The following ARHGAP15 variants were observed in gnomAD, a reference collection of about 807,000 sequenced individuals.
ARHGAP15 encodes Rho GTPase activating protein 15.
Under a neutral mutation model 63.7 loss-of-function variants are expected in ARHGAP15, and 51 were observed. The ratio of observed to expected loss-of-function variants is 0.80; its 90% CI spans 0.64 to 1.01. ARHGAP15 has a LOEUF of 1.01. Among genes scored for constraint, ARHGAP15 ranks in the 50% least tolerant of loss-of-function variants. The probability of loss-of-function intolerance (pLI) is 0.00; values close to 1 mark genes in which losing one functional copy is unlikely to be tolerated. For missense variants in ARHGAP15, 560 were observed against 564.6 expected (o/e 0.99, Z 0.08); for synonymous variants, 191 against 193.8 (o/e 0.99, Z 0.12).
intron 11 of ARHGAP15, among the ~76,000 whole-genome samples, chr2:143,597,364 A>G (rs1317823637): frequency 6.6e-6 from 1 of 152,194 alleles, no homozygotes; most frequent in East Asian, 1.9e-4. Context: ...AGATCTCAAT[A>G]CAAATGCAAC....
At chr2:143,557,244 G>A (rs927152762) in intron 11 of ARHGAP15, among the ~76,000 whole-genome samples, 1 of 152,074 alleles carries the variant, frequency 6.6e-6, no homozygotes, top group Non-Finnish European at 1.5e-5. Flanking sequence ...CAACTAAGAT[G>A]TCCTTCAATA....
intron 12 of ARHGAP15, chr2:143,648,597 C>T (rs1559101856): frequency 6.6e-6 from 1 of 151,966 alleles, no homozygotes; most frequent in Admixed American, 6.6e-5. Context: ...CCCACACCTC[C>T]TCCTCACGCT....
intron 8 of ARHGAP15, among the ~76,000 whole-genome samples, chr2:143,446,254 A>C (rs953921990): frequency 2.0e-5 from 3 of 151,550 alleles, no homozygotes; most frequent in Non-Finnish European, 4.4e-5. Context: ...AAAATATATC[A>C]AATAACTTTG....
intron 11 of ARHGAP15, chr2:143,607,826 C>G (rs1476105748): frequency 6.6e-6 from 1 of 152,192 alleles, no homozygotes. Flanking sequence ...ATGTTCTCCA[C>G]CCCACTGAAG....
At chr2:143,444,692 CGTT>C (rs914329537) in intron 8 of ARHGAP15, among the ~76,000 whole-genome samples, 2 of 152,030 alleles carry the variant, frequency 1.3e-5, no homozygotes, top group Non-Finnish European at 2.9e-5. Context: ...AAAAAAAATC[CGTT>C]GTTAACACAT....
intron 2 of ARHGAP15, among the ~76,000 whole-genome samples, chr2:143,181,948 T>TG (rs113206426): frequency 1.3e-4 from 19 of 150,990 alleles, no homozygotes; most frequent in African/African-American, 4.1e-4. Flanking sequence ...AGCTTTTGAT[T>TG]TTTTTTTTTT....
chr2:143,496,047 CTG>C (rs1175400387), intron 9 of ARHGAP15, among the ~76,000 whole-genome samples: 1 of 152,152 alleles, frequency 6.6e-6, no homozygotes, highest in Non-Finnish European at 1.5e-5. Flanking sequence ...TACGTGTGCG[CTG>C]TGTCATGATT....
At chr2:143,194,417 G>A (rs1691804031) in intron 2 of ARHGAP15, among the ~76,000 whole-genome samples, 1 of 152,156 alleles carries the variant, frequency 6.6e-6, no homozygotes, top group African/African-American at 2.4e-5. Context: ...AGGAACTATA[G>A]CTTTGGCTTT....
At chr2:143,678,206 C>T (rs979562604) in intron 12 of ARHGAP15, among the ~76,000 whole-genome samples, 1 of 152,060 alleles carries the variant, frequency 6.6e-6, no homozygotes, top group African/African-American at 2.4e-5. Flanking sequence ...AGCAAGACCC[C>T]GTCTCCGAAA....
chr2:143,753,168 T>C (rs1686445754), intron 13 of ARHGAP15, among the ~76,000 whole-genome samples: 2 of 152,174 alleles, frequency 1.3e-5, no homozygotes, highest in South Asian at 4.2e-4. Flanking sequence ...ACATAAAATA[T>C]ATGTTGACAG....
intron 10 of ARHGAP15, among the ~76,000 whole-genome samples, chr2:143,533,636 G>A (rs1231188173): frequency 1.3e-5 from 2 of 152,116 alleles, no homozygotes; most frequent in Non-Finnish European, 2.9e-5. Flanking sequence ...ATTTGATAAG[G>A]CAAAGAAAGG....
At chr2:143,442,656 A>G (rs1689941316) in intron 8 of ARHGAP15, among the ~76,000 whole-genome samples, 1 of 152,192 alleles carries the variant, frequency 6.6e-6, no homozygotes, top group Non-Finnish European at 1.5e-5. Flanking sequence ...CTTTGTAAAA[A>G]GTATGTGTAA....
At chr2:143,463,367 C>A (rs56687489) in intron 8 of ARHGAP15, among the ~76,000 whole-genome samples, 9,277 of 152,142 alleles carry the variant, frequency 0.061, 470 homozygotes, top group East Asian at 0.22. Context: ...CATGGGGAAA[C>A]CCTGTCTCTA....
intron 10 of ARHGAP15, 62 bp from the exon 11 acceptor site, chr2:143,556,345 AT>A (rs905531349): frequency 3.5e-4 from 443 of 1,280,086 alleles, no homozygotes; most frequent in African/African-American, 7.9e-4. Context: ...CTTTTCATAG[AT>A]TTTTTTTAAA....
At chr2:143,379,289 G>A (rs1349216840) in intron 6 of ARHGAP15, among the ~76,000 whole-genome samples, 5 of 151,930 alleles carry the variant, frequency 3.3e-5, no homozygotes, top group African/African-American at 4.8e-5. Context: ...ATCAGTGCTT[G>A]AATTCATAGT....
At chr2:143,225,298 T>A (rs532631853) in intron 4 of ARHGAP15, among the ~76,000 whole-genome samples, 3 of 151,914 alleles carry the variant, frequency 2.0e-5, no homozygotes, top group South Asian at 2.1e-4. Context: ...ATTAAAAAAA[T>A]TTGGATTTAA....
chr2:143,508,316 C>G (rs1486316220), intron 9 of ARHGAP15, among the ~76,000 whole-genome samples: 1 of 152,204 alleles, frequency 6.6e-6, no homozygotes, highest in African/African-American at 2.4e-5. Context: ...GCTCAGATGC[C>G]ATTGCCTGAG....
intron 6 of ARHGAP15, among the ~76,000 whole-genome samples, chr2:143,284,807 G>T (rs768758752): frequency 6.6e-6 from 1 of 152,060 alleles, no homozygotes; most frequent in African/African-American, 2.4e-5. Flanking sequence ...TAAGCCTCAG[G>T]TTATTCTTCT....
At chr2:143,675,983 C>T (rs1306251893) in intron 12 of ARHGAP15, among the ~76,000 whole-genome samples, 1 of 152,224 alleles carries the variant, frequency 6.6e-6, no homozygotes, top group Non-Finnish European at 1.5e-5. Flanking sequence ...TTTAGTGTAA[C>T]CACCATCATC....
Sources: gnomAD v4.1 joint callset for allele counts (sites outside exome capture counted in the v4.1 genomes callset) on GRCh38, gnomAD v4.1.1 for gene constraint, MANE v1.5 for transcripts, NCBI Gene and HGNC (gene_info 2026-07-23, HGNC 2026-07-21) for gene names.